NLRP14: variants seen among roughly 807,000 people sequenced by gnomAD.
NLRP14 encodes the protein NLR family pyrin domain containing 14, also known as NACHT, LRR and PYD domains-containing protein 14.
In NLRP14, 105 loss-of-function variants were observed where a neutral mutation model predicts 94.7. That is an observed-to-expected ratio of 1.11 (90% CI 0.95 to 1.30). The LOEUF is 1.30. Ranked by LOEUF, NLRP14 falls within the 50% of genes most tolerant of loss-of-function variation. The probability of loss-of-function intolerance (pLI) is 0.00; values close to 1 mark genes in which losing one functional copy is unlikely to be tolerated. For synonymous variants in NLRP14, 508 were observed against 459.9 expected, an observed-to-expected ratio of 1.10 and a Z score of -1.34; for missense variants, 1,362 against 1,254.1, an observed-to-expected ratio of 1.09 and a Z score of -1.30.
At chr11:7,075,915 G>A (rs564883777), downstream of NLRP14, among the ~76,000 whole-genome samples, 39 of 152,226 alleles carry the variant, frequency 2.6e-4, no homozygotes, top group African/African-American at 8.4e-4. Context: ...AGTTATGTTC[G>A]AAGGCAGGTC....
chr11:7,052,016 AT>A (rs571793712), intron 6 of NLRP14, among the ~76,000 whole-genome samples: 8 of 152,208 alleles, frequency 5.3e-5, no homozygotes, highest in African/African-American at 1.7e-4. Context: ...TGTCTTGATA[AT>A]TTTTTTCCAC....
intron 3 of NLRP14, among the ~76,000 whole-genome samples, chr11:7,040,949 C>G (rs1852238199): frequency 6.6e-6 from 1 of 152,082 alleles, no homozygotes; most frequent in Non-Finnish European, 1.5e-5. Flanking sequence ...TAATTGCACA[C>G]AGATAGCTAA....
chr11:7,040,504 C>T (rs1852232565), intron 3 of NLRP14, among the ~76,000 whole-genome samples: 1 of 152,178 alleles, frequency 6.6e-6, no homozygotes, highest in South Asian at 2.1e-4. Context: ...CCTCCTACAT[C>T]CATGGAAAAA....
intron 1 of NLRP14, among the ~76,000 whole-genome samples, chr11:7,031,642 T>G (rs1227369677): frequency 1.3e-5 from 2 of 152,186 alleles, no homozygotes; most frequent in Non-Finnish European, 2.9e-5. Flanking sequence ...CCTTGACGAA[T>G]GGAGGCAAGC....
chr11:7,079,785 A>G, the NLRP14 span, among the ~76,000 whole-genome samples: 5 of 152,308 alleles, frequency 3.3e-5, no homozygotes, highest in African/African-American at 1.2e-4. Flanking sequence ...AGGGGTTTTT[A>G]TTATCTCTAA....
chr11:7,069,632 TTTTA>T (rs1179180261), intron 10 of NLRP14, among the ~76,000 whole-genome samples: 5 of 55,520 alleles, frequency 9.0e-5, no homozygotes, highest in East Asian at 3.5e-3. Flanking sequence ...GCTTATTTTA[TTTTA>T]TTTTTTTTGA....
intron 8 of NLRP14, among the ~76,000 whole-genome samples, chr11:7,059,199 ATATTAT>A (rs1316523243): frequency 6.7e-6 from 1 of 150,010 alleles, no homozygotes; most frequent in African/African-American, 2.4e-5. Flanking sequence ...AATATCACAT[ATATTAT>A]TATTTTTTAT....
At chr11:7,076,715 T>G in the NLRP14 span, among the ~76,000 whole-genome samples, 1 of 152,020 alleles carries the variant, frequency 6.6e-6, no homozygotes, top group Non-Finnish European at 1.5e-5. Flanking sequence ...ATCACAGATA[T>G]GTATTTATTT....
intron 6 of NLRP14, among the ~76,000 whole-genome samples, chr11:7,055,966 C>T (rs1270502148): frequency 6.6e-6 from 1 of 151,998 alleles, no homozygotes; most frequent in Admixed American, 6.6e-5. Context: ...TAATCTGTCT[C>T]CTGTTTTGCT....
the NLRP14 span, among the ~76,000 whole-genome samples, chr11:7,078,516 A>G: frequency 3.6e-4 from 52 of 143,272 alleles, no homozygotes; most frequent in East Asian, 0.011. Flanking sequence ...AGGGCTGGGC[A>G]TGGTGGCTCA....
At chr11:7,065,234 A>G (rs934941614) in intron 10 of NLRP14, among the ~76,000 whole-genome samples, 1 of 152,130 alleles carries the variant, frequency 6.6e-6, no homozygotes, top group Non-Finnish European at 1.5e-5. Flanking sequence ...TAGGTCTATC[A>G]ATAAAGCTTA....
Position 7,042,922 on chromosome 11 carries a change from C to G in NLRP14, c.896C>G (p.Pro299Arg). ...MSSLLRKVML[P>R]EASLLVTTRL... ...AGTTTGCTGAGGAAAGTGATGCTCCCTGAGGCATCCTTATTGGTGACAACA... is the reference window on the plus strand; with the variant it reads ...AGTTTGCTGAGGAAAGTGATGCTCCGTGAGGCATCCTTATTGGTGACAACA... The change falls in exon 4 of 12, where the codon CCT becomes CGT. Residue 299 changes from proline to arginine, a missense_variant. Transcript: ENST00000299481. 6.2e-7 allele frequency: 1 copy of G among 1,613,960 alleles called. No homozygotes were observed. Among genetic ancestry groups the G allele is most frequent in the African/African-American group, 1.3e-5 (1 of 75,036 alleles).
chr11:7,081,589 A>C, the NLRP14 span, among the ~76,000 whole-genome samples: 2 of 152,194 alleles, frequency 1.3e-5, no homozygotes, highest in African/African-American at 4.8e-5. Flanking sequence ...GTCTTTTTCT[A>C]AGATGGAGTT....
intron 8 of NLRP14, among the ~76,000 whole-genome samples, chr11:7,059,627 C>T (rs556667357): frequency 1.3e-5 from 2 of 152,080 alleles, no homozygotes; most frequent in East Asian, 3.9e-4. Flanking sequence ...GCTACTTCTA[C>T]AACAGAGTAC....
the NLRP14 span, among the ~76,000 whole-genome samples, chr11:7,080,508 T>C: frequency 1.3e-5 from 2 of 152,190 alleles, no homozygotes. Context: ...CTTTCCACAA[T>C]GTCAGGCTTT....
chr11:7,035,609 G>A (rs750404684), intron 1 of NLRP14, among the ~76,000 whole-genome samples: 18 of 152,072 alleles, frequency 1.2e-4, no homozygotes, highest in Admixed American at 2.0e-4. Flanking sequence ...TAATTAGAGC[G>A]ACCAAGAAAG....
intron 4 of NLRP14, 71 bp downstream of exon 4, chr11:7,044,055 AGGC>A: frequency 6.7e-7 from 1 of 1,485,456 alleles, no homozygotes; most frequent in Non-Finnish European, 9.4e-7. Context: ...CAGAGGGAGG[AGGC>A]GTTTAGCTGA....
intron 2 of NLRP14, among the ~76,000 whole-genome samples, 193 bp from the exon 3 acceptor site, chr11:7,039,521 G>A (rs949615620): frequency 1.3e-5 from 2 of 152,134 alleles, no homozygotes; most frequent in Non-Finnish European, 2.9e-5. Flanking sequence ...TCCTACTTCA[G>A]TGTTATCTGT....
At chr11:7,088,009 A>C in the NLRP14 span, among the ~76,000 whole-genome samples, 8 of 152,214 alleles carry the variant, frequency 5.3e-5, no homozygotes, top group Non-Finnish European at 1.2e-4. Flanking sequence ...GACAAAGAGA[A>C]ATTTACAAAT....
Sources: gnomAD v4.1 joint callset for allele counts (sites outside exome capture counted in the v4.1 genomes callset) on GRCh38, gnomAD v4.1.1 for gene constraint, MANE v1.5 for transcripts, NCBI Gene and HGNC (gene_info 2026-07-23, HGNC 2026-07-21) for gene names.